RYR1: variants seen among roughly 807,000 people sequenced by gnomAD.
RYR1 encodes ryanodine receptor 1, also known as central core disease of muscle.
A neutral mutation model predicts 583.5 loss-of-function variants in RYR1; 342 were observed. The observed-to-expected ratio is 0.59, with a 90% CI of 0.54 to 0.64. The LOEUF (loss-of-function observed/expected upper bound fraction) is 0.64. Ranked by LOEUF, RYR1 falls within the 30% of genes least tolerant of loss-of-function variation. The pLI is 0.00. For missense variants in RYR1, 6,032 were observed against 6,917.2 expected, an observed-to-expected ratio of 0.87 and a Z score of 4.54; for synonymous variants, 2,791 against 2,822.5, an observed-to-expected ratio of 0.99 and a Z score of 0.35.
chr19:38,561,587 C>A lies in RYR1; in HGVS notation c.12624+133C>A. 1 of 879,438 alleles carries A rather than the reference C, an allele frequency of 1.1e-6. No individual in the cohort carries two copies. The highest frequency in any genetic ancestry group is 1.7e-5 in the African/African-American group (1 of 59,870). The allele number at this position is 879,438 out of a possible 1,614,324, so 54.5% of individuals were successfully genotyped here. ...CTGCCCTGCTCCGGCAAGCCCACGC[C>A]CACCCTTTTGTACACATTTCGTCCA... On this transcript the variant is annotated intron_variant, in intron 90 of 105. Transcript: ENST00000359596. This position sits in a 1 kb window ranked among gnomAD's most constrained non-coding sequence, Gnocchi z 4.8.
intron 99 of RYR1, among the ~76,000 whole-genome samples, chr19:38,579,628 G>A (rs900202838): frequency 1.3e-5 from 2 of 151,370 alleles, no homozygotes; most frequent in African/African-American, 4.9e-5. Flanking sequence ...AAGAGATGAT[G>A]GAGTCTCGCT....
chr19:38,494,356 C>T lies in RYR1; in HGVS notation c.6279C>T (p.Ser2093=). Residue 2093 remains serine, a synonymous_variant, in exon 39 of 106, where the codon TCC becomes TCT. Transcript: ENST00000359596. ...CTTGCATTGTCTCCTTCCCAGGGTC[C>T]CTGCAGGAGCTGGTGTCCCACATGG... The part of the protein sequence containing the change: ...ERSAEESKPR[S]LQELVSHMVV... 6.2e-7 allele frequency: 1 copy of T among 1,611,404 alleles called. No individual in the cohort carries two copies. The highest frequency in any genetic ancestry group is 1.7e-5 in the Admixed American group (1 of 60,016).
chr19:38,585,599 G>C (rs1203442574), intron 102 of RYR1, among the ~76,000 whole-genome samples: 1 of 151,346 alleles, frequency 6.6e-6, no homozygotes, highest in African/African-American at 2.4e-5. Context: ...TCAGCCTCCT[G>C]ATTAGCTGGG....
intron 76 of RYR1, among the ~76,000 whole-genome samples, chr19:38,529,680 C>G (rs1421202352): frequency 6.6e-6 from 1 of 152,140 alleles, no homozygotes; most frequent in Non-Finnish European, 1.5e-5. Flanking sequence ...ATATGTATGA[C>G]AAATTTCCAA....
chr19:38,520,693 C>CAAAAAAAAAAAAA (rs71165555), intron 67 of RYR1, among the ~76,000 whole-genome samples: 24 of 46,902 alleles, frequency 5.1e-4, no homozygotes, highest in East Asian at 1.3e-3. Flanking sequence ...GGCTCCACCT[C>CAAAAAAAAAAAAA]AAAAAAAAAA....
rs1430552830 is a variant in RYR1, at chr19:38,469,332, C to G, written c.3584C>G (p.Pro1195Arg). ...TTCCTGCCCGTCTGCAGCTTGGGAC[C>G]TGGCCAGGTGGGTCATCTGAACCTG... ...DGFLPVCSLG[P>R]GQVGHLNLGQ... The change falls in exon 27 of 106, where the codon CCT becomes CGT. Residue 1195 changes from proline (P) to arginine (R), a missense_variant. By Grantham distance (103) the Pro-to-Arg change is moderately radical. Coordinates refer to ENST00000359596, the MANE Select transcript of RYR1 (RefSeq NM_000540.3). 1 of 1,614,036 alleles carries G rather than the reference C, an allele frequency of 6.2e-7. No individual in the cohort carries two copies.
At chr19:38,478,000 G>C in intron 30 of RYR1, 130 bp downstream of exon 30, 1 of 863,862 alleles carries the variant, frequency 1.2e-6, no homozygotes, top group Non-Finnish European at 1.8e-6. Flanking sequence ...GGATTCTCTG[G>C]GGCACTGGGC....
chr19:38,478,759 C>A lies in RYR1; in HGVS notation c.4620+159C>A, dbSNP rs889482489. 2.6e-5 allele frequency among the ~76,000 whole-genome samples: 4 copies of A among 152,246 alleles called. 1 individual carries two copies. The South Asian group carries it at 8.3e-4, about 32-fold the overall frequency. On this transcript the variant is annotated intron_variant, in intron 31 of 105. Coordinates refer to ENST00000359596, the MANE Select transcript of RYR1 (RefSeq NM_000540.3). ...TGGGAGACCACCTTGTTGAAACTTCCATGAAACTAAGGCCCAGACTGGAGG... is the reference window on the plus strand; with the variant it reads ...TGGGAGACCACCTTGTTGAAACTTCAATGAAACTAAGGCCCAGACTGGAGG...
At chr19:38,449,324 G>A (rs185312519) in intron 11 of RYR1, among the ~76,000 whole-genome samples, 14 of 152,260 alleles carry the variant, frequency 9.2e-5, no homozygotes, top group Admixed American at 8.5e-4. Flanking sequence ...GCCAGGCGTG[G>A]TGGCAGCTGC....
intron 34 of RYR1, among the ~76,000 whole-genome samples, chr19:38,488,042 C>G (rs1969376710): frequency 6.6e-6 from 1 of 152,104 alleles, no homozygotes; most frequent in Non-Finnish European, 1.5e-5. Context: ...GTCTTAAACT[C>G]CTGGGTTCAA....
intron 92 of RYR1, among the ~76,000 whole-genome samples, chr19:38,567,218 G>A (rs1973483204): frequency 6.6e-6 from 1 of 152,058 alleles, no homozygotes; most frequent in South Asian, 2.1e-4. Context: ...GGTGGTGTGT[G>A]GGGAGGCTGA....
intron 88 of RYR1, among the ~76,000 whole-genome samples, chr19:38,546,975 ACCAAATGTC>A (rs1444405934): frequency 6.7e-6 from 1 of 150,246 alleles, no homozygotes; most frequent in Non-Finnish European, 1.5e-5. Flanking sequence ...CCAAAAACAA[ACCAAATGTC>A]CAAATGTGGC....
intron 34 of RYR1, 56 bp from the exon 35 acceptor site, chr19:38,489,121 G>GA: frequency 6.7e-7 from 1 of 1,501,244 alleles, no homozygotes; most frequent in East Asian, 2.3e-5. Flanking sequence ...TGAGGCCAGG[G>GA]CCTGATGATG....
intron 13 of RYR1, among the ~76,000 whole-genome samples, chr19:38,454,376 G>A (rs2145389116): frequency 6.6e-6 from 1 of 152,318 alleles, no homozygotes; most frequent in Admixed American, 6.5e-5. Flanking sequence ...TGTTTATAAT[G>A]TCTCCCAAGT....
chr19:38,587,234 C>A, intron 105 of RYR1, 91 bp from the exon 106 acceptor site: 1 of 898,936 alleles, frequency 1.1e-6, no homozygotes, highest in Non-Finnish European at 1.8e-6. Context: ...GCCTGGGCAA[C>A]AGAGCAACAC....
At chr19:38,587,070 A>G (rs1974525605) in intron 105 of RYR1, among the ~76,000 whole-genome samples, 1 of 152,152 alleles carries the variant, frequency 6.6e-6, no homozygotes, top group East Asian at 1.9e-4. Flanking sequence ...GAAGTTCAAG[A>G]CAGCCTAGGA....
chr19:38,450,773 C>CAATAAATAAATA (rs373753347), intron 11 of RYR1, among the ~76,000 whole-genome samples: 8,850 of 150,072 alleles, frequency 0.059, 355 homozygotes, highest in Middle Eastern at 0.079. Flanking sequence ...AACGTGGAAA[C>CAATAAATAAATA]AATAAATAAA....
rs957697765 is a variant in RYR1, at chr19:38,561,639, G to A, written c.12624+185G>A. Among the ~76,000 whole-genome samples the A allele has an allele frequency of 1.3e-5, 2 of 152,270 alleles. No homozygotes were observed. Among genetic ancestry groups the A allele is most frequent in the African/African-American group, 2.4e-5 (1 of 41,566 alleles). ...CTGCGCCCTTGCACATCCCTGGCTC[G>A]CCCCTGGCCACTTCTTGCGGACCTG... is the stretch of plus-strand genomic sequence containing the variant. On this transcript the variant is annotated intron_variant, in intron 90 of 105. Transcript: ENST00000359596. The surrounding 1 kb of genome is among the most constrained non-coding windows in gnomAD (Gnocchi z 4.8).
At chr19:38,459,402 C>T (rs1967609505) in intron 19 of RYR1, 64 bp downstream of exon 19, 3 of 1,481,376 alleles carry the variant, frequency 2.0e-6, no homozygotes, top group Non-Finnish European at 2.8e-6. Flanking sequence ...GACAGCTTCC[C>T]CAGTCACTCC....
Sources: gnomAD v4.1 joint callset for allele counts (sites outside exome capture counted in the v4.1 genomes callset) on GRCh38, gnomAD v4.1.1 for gene constraint, Gnocchi (gnomAD v3.1) non-coding constraint, MANE v1.5 for transcripts, NCBI Gene and HGNC (gene_info 2026-07-23, HGNC 2026-07-21) for gene names.